The following MKI67 variants were observed in gnomAD, a reference collection of about 807,000 sequenced individuals.
The protein encoded by MKI67 is proliferation marker protein Ki-67.
Under a neutral mutation model 233.5 loss-of-function variants are expected in MKI67, and 152 were observed. The ratio of observed to expected loss-of-function variants is 0.65; its 90% confidence interval spans 0.57 to 0.74. MKI67 has a LOEUF of 0.74. Among genes scored for constraint, MKI67 ranks in the 30% least tolerant of loss-of-function variants. MKI67 has a pLI of 0.00. For missense variants in MKI67, 3,940 were observed against 3,885.2 expected (o/e 1.01, Z -0.37); for synonymous variants, 1,465 against 1,418.5 (o/e 1.03, Z -0.74).
At chr10:128,113,156 G>A (rs911566791) in intron 8 of MKI67, among the ~76,000 whole-genome samples, 2 of 152,184 alleles carry the variant, frequency 1.3e-5, no homozygotes, top group Admixed American at 6.5e-5. Flanking sequence ...ACGCAGTGCT[G>A]TAAGCGTGGG....
chr10:128,099,179 C>T lies in MKI67; in HGVS notation c.*11G>A, dbSNP rs745664378. The T allele has an allele frequency of 4.4e-6, 7 of 1,598,626 alleles. No individual in the cohort carries two copies. Among genetic ancestry groups the T allele is most frequent in the Middle Eastern group, 1.7e-4 (1 of 5,882 alleles). ...TAACTTTATTATATTTTTCCCAGTT[C>T]GATTTTTCTGTCAAATATCTTCACT... On this transcript the variant is annotated 3_prime_UTR_variant, in exon 15 of 15. Coordinates refer to ENST00000368654, the MANE Select transcript of MKI67 (RefSeq NM_002417.5).
At chr10:128,120,215 G>A (rs1418199078) in intron 4 of MKI67, among the ~76,000 whole-genome samples, 1 of 152,162 alleles carries the variant, frequency 6.6e-6, no homozygotes, top group East Asian at 1.9e-4. Context: ...TATAGGCCGG[G>A]CGCAGTGGCT....
At position 128,097,615 on chromosome 10, in the gene MKI67, C is replaced by A. The variant is rs1852238995; in HGVS notation, c.*1575G>T. The A allele has an allele frequency of 6.6e-6, 1 of 152,160 alleles. No individual in the cohort carries two copies. The highest frequency in any genetic ancestry group is 2.4e-5 in the African/African-American group (1 of 41,418). 9.4% of individuals were successfully genotyped at this position (152,160 alleles called of 1,614,324 possible). A position where few individuals can be genotyped will look rare whatever the true frequency, so the allele number is the denominator to read the frequency against. On this transcript the variant is annotated 3_prime_UTR_variant, in exon 15 of 15. Coordinates refer to ENST00000368654, the MANE Select transcript of MKI67 (RefSeq NM_002417.5). Reference sequence around the variant, plus strand: ...CAACTTGATCATAGCAACATTCCTACTGAAAGTTTTGAGGTTGGCCTACGT... The same window carrying A: ...CAACTTGATCATAGCAACATTCCTAATGAAAGTTTTGAGGTTGGCCTACGT...
rs45442491 is a variant in MKI67, at chr10:128,096,899, G to T, written c.*2291C>A. 3,771 of 152,356 alleles carry T rather than the reference G, an allele frequency of 0.025. 73 individuals carry two copies. Among genetic ancestry groups the T allele is most frequent in the Middle Eastern group, 0.044 (13 of 298 alleles). The allele number at this position is 152,356 out of a possible 1,614,324, so 9.4% of individuals were successfully genotyped here. A position where few individuals can be genotyped will look rare whatever the true frequency, so the allele number is the denominator to read the frequency against. On this transcript the variant is annotated 3_prime_UTR_variant, in exon 15 of 15. Transcript: ENST00000368654. ...CTGGAGGACAGGCATGGGGGTGAGG[G>T]AACCCACAGGCAAGAAGCCTCCCTT... is the stretch of plus-strand genomic sequence containing the variant.
At position 128,106,127 on chromosome 10, in the gene MKI67, G is replaced by A. The variant is rs1156437391; in HGVS notation, c.5713C>T (p.His1905Tyr). ...KLTPSAGKAM[H>Y]TPKAAVGEEK... is the part of the protein sequence containing the mutation. Reference sequence around the variant, plus strand: ...TCACCTACTGCTGCTTTAGGCGTGTGCATGGCTTTGCCTGCTGATGGTGTT... The same window carrying A: ...TCACCTACTGCTGCTTTAGGCGTGTACATGGCTTTGCCTGCTGATGGTGTT... Residue 1905 changes from histidine to tyrosine, a missense_variant, in exon 13 of 15, where the codon CAC (histidine) becomes TAC (tyrosine). By Grantham distance (83) the His-to-Tyr change is moderately conservative (BLOSUM62 2). Transcript: ENST00000368654. The A allele has an allele frequency of 6.2e-7, 1 of 1,613,944 alleles. No homozygotes were observed. The highest frequency in any genetic ancestry group is 8.5e-7 in the Non-Finnish European group (1 of 1,180,036).
In MKI67 at chr10:128,104,220, A is replaced by T; in HGVS notation, c.7620T>A (p.Thr2540=). 1 of 1,613,998 alleles carries T rather than the reference A, an allele frequency of 6.2e-7. No individual in the cohort carries two copies. The highest frequency in any genetic ancestry group is 8.5e-7 in the Non-Finnish European group (1 of 1,180,006). Residue 2540 remains threonine (T), a synonymous_variant, in exon 13 of 15, where the codon ACT becomes ACA. Coordinates refer to ENST00000368654, the MANE Select transcript of MKI67 (RefSeq NM_002417.5). The stretch of plus-strand genomic sequence containing the variant: ...GAGTTCTCAGCTGCCTCCTGCTACC[A>T]GTTACACTTGCTGCTGGGTCCAGGA... ...KQILDPAASV[T]GSRRQLRTRK...
chr10:128,119,121 T>A, intron 5 of MKI67, 132 bp downstream of exon 5: 2 of 673,632 alleles, frequency 3.0e-6, no homozygotes, highest in Non-Finnish European at 5.2e-6. Flanking sequence ...TTTTATACTT[T>A]AGTTACATTT....
intron 4 of MKI67, among the ~76,000 whole-genome samples, chr10:128,121,529 A>AAATAT (rs1448363777): frequency 6.0e-5 from 1 of 16,540 alleles, no homozygotes; most frequent in African/African-American, 1.0e-3. Context: ...ATATAATATT[A>AAATAT]TATATTATAT....
In MKI67 at chr10:128,105,422, G is replaced by A. The variant is rs1437815876; in HGVS notation, c.6418C>T (p.Leu2140Phe). Reference protein sequence around the residue: ...IVEELSALKQLTQTTHTDKVP... With the variant: ...IVEELSALKQFTQTTHTDKVP... ...TTGTCTGTGTGTGTGGTCTGTGTGA[G>A]CTGCTTCAGGGCTGAGAGCTCTTCC... The change falls in exon 13 of 15, where the codon CTC (leucine) becomes TTC (phenylalanine). Residue 2140 changes from leucine (L) to phenylalanine (F), a missense_variant. Leu to Phe is a conservative substitution (Grantham distance 22). Coordinates refer to ENST00000368654, the MANE Select transcript of MKI67 (RefSeq NM_002417.5). 1 of 1,614,034 alleles carries A rather than the reference G, an allele frequency of 6.2e-7. No homozygotes were observed. Among genetic ancestry groups the A allele is most frequent in the Non-Finnish European group, 8.5e-7 (1 of 1,180,050 alleles).
At chr10:128,116,660 A>C in intron 5 of MKI67, 124 bp from the exon 6 acceptor site, 1 of 910,310 alleles carries the variant, frequency 1.1e-6, no homozygotes, top group Non-Finnish European at 1.7e-6. Flanking sequence ...TAATCCCAGC[A>C]CTTTGGGAGG....
chr10:128,100,543 A>G (rs1852315662), intron 14 of MKI67, among the ~76,000 whole-genome samples: 1 of 152,114 alleles, frequency 6.6e-6, no homozygotes, highest in South Asian at 2.1e-4. Context: ...AATTTATATT[A>G]TATTTTTGTG....
rs1397394980 is a variant in MKI67, at chr10:128,125,498, G to C, written c.92+78C>G. On this transcript the variant is annotated intron_variant, in intron 2 of 14. Coordinates refer to ENST00000368654, the MANE Select transcript of MKI67 (RefSeq NM_002417.5). The surrounding 1 kb of genome is among the most constrained non-coding windows in gnomAD (Gnocchi z 5.3). ...ACGGCAGGACCCAATCCTAGAGCGC[G>C]TTTCTGGACTTTATTCTGTGACTAA... 1 of 1,182,400 alleles carries C rather than the reference G, an allele frequency of 8.5e-7. No homozygotes were observed. Among genetic ancestry groups the C allele is most frequent in the Admixed American group, 1.8e-5 (1 of 55,204 alleles). 73.2% of individuals were successfully genotyped at this position (1,182,400 alleles called of 1,614,324 possible). A position where few individuals can be genotyped will look rare whatever the true frequency, so the allele number is the denominator to read the frequency against.
At position 128,110,520 on chromosome 10, in the gene MKI67, C is replaced by T. The variant is rs750132485; in HGVS notation, c.2274G>A (p.Met758Ile). The T allele has an allele frequency of 2.6e-6, 4 of 1,551,780 alleles. No homozygotes were observed. The highest frequency in any genetic ancestry group is 2.6e-6 in the Non-Finnish European group (3 of 1,135,252). The change falls in exon 12 of 15, where the codon ATG becomes ATA. Residue 758 changes from methionine to isoleucine, a missense_variant. Met to Ile is a conservative substitution (Grantham distance 10, BLOSUM62 1). Transcript: ENST00000368654. ...GTTGCTCCTTCACTGGGGTCTTGAA[C>T]ATTTCAGCTATTCCTGTTAAATGAA... ...FKEDLSGIAEMFKTPVKEQPQ... is the reference protein window; with the variant it reads ...FKEDLSGIAEIFKTPVKEQPQ...
chr10:128,115,259 G>C lies in MKI67; in HGVS notation c.1149C>G (p.Phe383Leu). Reference sequence around the variant, plus strand: ...GAGTAAGAGTTTTATCACCAGCCTTGAAGCCTTCACTTTTACCCAGATTCA... The same window carrying C: ...GAGTAAGAGTTTTATCACCAGCCTTCAAGCCTTCACTTTTACCCAGATTCA... ...ESVNLGKSEGFKAGDKTLTPR... is the reference protein window; with the variant it reads ...ESVNLGKSEGLKAGDKTLTPR... The change falls in exon 7 of 15, where the codon TTC (phenylalanine) becomes TTG (leucine). Residue 383 changes from phenylalanine (F) to leucine (L), a missense_variant. Coordinates refer to ENST00000368654, the MANE Select transcript of MKI67 (RefSeq NM_002417.5). 6.2e-7 allele frequency: 1 copy of C among 1,614,206 alleles called. No individual in the cohort carries two copies. Among genetic ancestry groups the C allele is most frequent in the Non-Finnish European group, 8.5e-7 (1 of 1,180,036 alleles).
At position 128,125,695 on chromosome 10, in the gene MKI67, C is replaced by T; in HGVS notation, c.-28G>A. On this transcript the variant is annotated 5_prime_UTR_variant, in exon 2 of 15. Transcript: ENST00000368654. The surrounding 1 kb of genome is among the most constrained non-coding windows in gnomAD (Gnocchi z 5.3). ...TCTAAACAGTAAGTTGAGTATAATC[C>T]GTAGGGGAAGGCCAGGTATAATCCG... The T allele has an allele frequency of 2.5e-6, 4 of 1,587,020 alleles. No individual in the cohort carries two copies. Among genetic ancestry groups the T allele is most frequent in the African/African-American group, 1.3e-5 (1 of 74,530 alleles).
chr10:128,125,524 G>C lies in MKI67; in HGVS notation c.92+52C>G. On this transcript the variant is annotated intron_variant, in intron 2 of 14. Coordinates refer to ENST00000368654, the MANE Select transcript of MKI67 (RefSeq NM_002417.5). This position sits in a 1 kb window ranked among gnomAD's most constrained non-coding sequence, Gnocchi z 5.3. The stretch of plus-strand genomic sequence containing the variant: ...TTTCTGGACTTTATTCTGTGACTAA[G>C]GTATTTTCCTCTTTCTCAGCTAAAA... The C allele has an allele frequency of 7.1e-7, 1 of 1,415,580 alleles. No homozygotes were observed. The highest frequency in any genetic ancestry group is 1.2e-5 in the South Asian group (1 of 86,940). The allele number at this position is 1,415,580 out of a possible 1,614,324, so 87.7% of individuals were successfully genotyped here. A position where few individuals can be genotyped will look rare whatever the true frequency, so the allele number is the denominator to read the frequency against.
rs757326730 is a variant in MKI67 at position 128,107,981 on chromosome 10, T to G, written c.3859A>C (p.Asn1287His). The change falls in exon 13 of 15, where the codon AAT becomes CAT. Residue 1287 changes from asparagine (N) to histidine (H), a missense_variant. By Grantham distance (68) the Asn-to-His change is moderately conservative. Transcript: ENST00000368654. ...GCTTTGCCTGCTGATGGCATTAGAT[T>G]CCTGCACGCTAAGAGTTCTCCCTCT... The part of the protein sequence containing the change: ...DVEGELLACR[N>H]LMPSAGKAMH... 5 of 1,613,758 alleles carry G rather than the reference T, an allele frequency of 3.1e-6. No homozygotes were observed. Among genetic ancestry groups the G allele is most frequent in the Admixed American group, 1.7e-5 (1 of 59,970 alleles).
chr10:128,104,367 C>G lies in MKI67; in HGVS notation c.7473G>C (p.Met2491Ile). The change falls in exon 13 of 15, where the codon ATG (methionine) becomes ATC (isoleucine). Residue 2491 changes from methionine (M) to isoleucine (I), a missense_variant. Coordinates refer to ENST00000368654, the MANE Select transcript of MKI67 (RefSeq NM_002417.5). ...TGCTGACTGCTAGGGGCTCTTCTTT[C>G]ATGTCCACTTTCACCAGGGGTATCT... ...RLKIPLVKVD[M>I]KEEPLAVSKL... is the part of the protein sequence containing the mutation. The G allele has an allele frequency of 6.2e-7, 1 of 1,614,196 alleles. No homozygotes were observed. The highest frequency in any genetic ancestry group is 8.5e-7 in the Non-Finnish European group (1 of 1,180,042).
chr10:128,115,156 GAT>G lies in MKI67; in HGVS notation c.1250_1251del (p.Asn417ThrfsTer21). 6.2e-7 allele frequency: 1 copy of G among 1,614,204 alleles called. No homozygotes were observed. The highest frequency in any genetic ancestry group is 8.5e-7 in the Non-Finnish European group (1 of 1,180,042). The part of the protein sequence containing the change: ...DAADSATKPE[N>X]LSSKTRGSIP... Reference sequence around the variant, plus strand: ...ATACTTCCTCTGGTTTTGGAAGAGAGATTTTCTGGCTTAGTGGCAGAGTCAGC... The same window carrying G: ...ATACTTCCTCTGGTTTTGGAAGAGAGTTTCTGGCTTAGTGGCAGAGTCAGC... On this transcript the variant is annotated frameshift_variant, in exon 7 of 15. Transcript: ENST00000368654. LOFTEE classifies it high-confidence loss of function.
Sources: gnomAD v4.1 joint callset for allele counts (sites outside exome capture counted in the v4.1 genomes callset) on GRCh38, gnomAD v4.1.1 for gene constraint, Gnocchi (gnomAD v3.1) non-coding constraint, MANE v1.5 for transcripts, NCBI Gene and HGNC (gene_info 2026-07-23, HGNC 2026-07-21) for gene names.